The following PYY variants were observed in gnomAD, a reference collection of about 807,000 sequenced individuals.
PYY encodes peptide YY.
A neutral mutation model predicts 10.3 loss-of-function variants in PYY; 12 were observed. That is an observed-to-expected ratio of 1.17 (90% CI 0.75 to 1.89). The LOEUF (loss-of-function observed/expected upper bound fraction) is 1.89. Ranked by LOEUF, PYY falls within the 40% of genes most tolerant of loss-of-function variation. The pLI is 0.00. For missense variants in PYY, 141 were observed against 134.0 expected (o/e 1.05, Z -0.26); for synonymous variants, 66 against 62.0 (o/e 1.06, Z -0.30).
chr17:43,958,949 A>G (rs1402334707), intron 2 of PYY, among the ~76,000 whole-genome samples: 1 of 152,258 alleles, frequency 6.6e-6, no homozygotes, highest in African/African-American at 2.4e-5. Context: ...ATACACAAAG[A>G]GATTTGCTGA....
At chr17:43,962,483 C>T (rs146650656) in intron 2 of PYY, among the ~76,000 whole-genome samples, 1,526 of 152,300 alleles carry the variant, frequency 0.01, 15 homozygotes, top group Middle Eastern at 0.021. Flanking sequence ...GATCTACACT[C>T]TATAGTACAG....
chr17:43,958,812 A>T (rs1463964992), upstream of PYY, among the ~76,000 whole-genome samples: 1 of 152,232 alleles, frequency 6.6e-6, no homozygotes. Context: ...ATGTGTCCCT[A>T]GCCTGTTTAT....
At chr17:43,997,714 A>C (rs1254047807) in intron 1 of PYY, among the ~76,000 whole-genome samples, 1 of 152,118 alleles carries the variant, frequency 6.6e-6, no homozygotes, top group Non-Finnish European at 1.5e-5. Context: ...TGGAAGCAAG[A>C]AGGCTACATA....
intron 1 of PYY, among the ~76,000 whole-genome samples, chr17:44,001,551 G>A (rs2049026988): frequency 1.3e-5 from 2 of 152,176 alleles, no homozygotes; most frequent in Admixed American, 1.3e-4. Flanking sequence ...AGGAGAGGTG[G>A]AGGGGACACA....
At chr17:43,994,723 CT>C (rs748565850) in intron 1 of PYY, among the ~76,000 whole-genome samples, 1 of 152,204 alleles carries the variant, frequency 6.6e-6, no homozygotes, top group East Asian at 1.9e-4. Context: ...CTCTCAACGC[CT>C]TTGCCCCTGA....
chr17:43,971,083 G>C (rs1659938386), intron 1 of PYY, among the ~76,000 whole-genome samples: 1 of 151,996 alleles, frequency 6.6e-6, no homozygotes, highest in Non-Finnish European at 1.5e-5. Context: ...GAGTTTTCTG[G>C]GTCATATGTA....
intron 1 of PYY, among the ~76,000 whole-genome samples, chr17:43,981,421 G>T (rs2048882730): frequency 6.6e-6 from 1 of 152,048 alleles, no homozygotes; most frequent in African/African-American, 2.4e-5. Flanking sequence ...GTGGATGGGT[G>T]GTGGTATCTC....
intron 1 of PYY, among the ~76,000 whole-genome samples, chr17:43,977,223 C>G (rs2048855143): frequency 6.6e-6 from 1 of 152,140 alleles, no homozygotes; most frequent in Non-Finnish European, 1.5e-5. Flanking sequence ...ATTCATTTAC[C>G]CAGGCACTTG....
chr17:43,972,529 T>C (rs1434168614), intron 1 of PYY, among the ~76,000 whole-genome samples: 1 of 97,510 alleles, frequency 1.0e-5, no homozygotes, highest in Non-Finnish European at 1.9e-5. Flanking sequence ...TTTATGTTAC[T>C]TTAAAAAACA....
At chr17:43,980,724 T>C (rs1379865841) in intron 1 of PYY, among the ~76,000 whole-genome samples, 1 of 150,474 alleles carries the variant, frequency 6.6e-6, no homozygotes, top group East Asian at 2.0e-4. Flanking sequence ...CACCCTCCTC[T>C]GCCTCCCAAA....
intron 1 of PYY, among the ~76,000 whole-genome samples, chr17:43,993,966 A>T (rs368234353): frequency 1.3e-5 from 2 of 151,702 alleles, no homozygotes; most frequent in South Asian, 4.2e-4. Flanking sequence ...TGATCCTCCC[A>T]CCTCAGCCTG....
chr17:43,960,143 G>A (rs1010042845), intron 2 of PYY, among the ~76,000 whole-genome samples: 1 of 152,170 alleles, frequency 6.6e-6, no homozygotes, highest in Non-Finnish European at 1.5e-5. Flanking sequence ...TTTCTCTCTT[G>A]TATAAGAAAC....
intron 3 of PYY, 30 bp from the exon 4 acceptor site, chr17:43,953,010 C>G: frequency 1.3e-6 from 2 of 1,582,816 alleles, no homozygotes; most frequent in African/African-American, 1.3e-5. Flanking sequence ...GGAATTGGAT[C>G]TGGGGAGGCG....
At chr17:44,003,089 G>A (rs55760363) in intron 1 of PYY, among the ~76,000 whole-genome samples, 23,424 of 152,026 alleles carry the variant, frequency 0.15, 2,111 homozygotes, top group Non-Finnish European at 0.2. Flanking sequence ...CCAGACGGGA[G>A]TGCAGTGGCA....
chr17:43,988,456 A>G (rs1269339457), intron 1 of PYY, among the ~76,000 whole-genome samples: 1 of 152,160 alleles, frequency 6.6e-6, no homozygotes, highest in Non-Finnish European at 1.5e-5. Context: ...GCTAACTTTA[A>G]TTTATCCTCA....
chr17:43,986,852 T>C (rs2048919039), intron 1 of PYY, among the ~76,000 whole-genome samples: 1 of 152,192 alleles, frequency 6.6e-6, no homozygotes, highest in Non-Finnish European at 1.5e-5. Flanking sequence ...CAACTCTAAC[T>C]ATCATCCCAG....
intron 1 of PYY, among the ~76,000 whole-genome samples, chr17:43,967,409 C>T (rs552691763): frequency 1.1e-4 from 16 of 152,316 alleles, no homozygotes; most frequent in African/African-American, 2.6e-4. Flanking sequence ...CCACAGCAGG[C>T]GAGCCCCATA....
At chr17:43,983,876 G>T (rs528965305) in intron 1 of PYY, among the ~76,000 whole-genome samples, 1 of 152,350 alleles carries the variant, frequency 6.6e-6, no homozygotes, top group South Asian at 2.1e-4. Flanking sequence ...CAGGGGCCGC[G>T]TGTCCGGTGC....
chr17:43,956,352 C>T (rs1033382657), upstream of PYY, among the ~76,000 whole-genome samples: 1 of 152,038 alleles, frequency 6.6e-6, no homozygotes, highest in Non-Finnish European at 1.5e-5. Context: ...GCCTCCTCAT[C>T]GAAGAGCTTA....
Sources: allele counts gnomAD v4.1 joint callset (sites outside exome capture counted in the v4.1 genomes callset), GRCh38; gene constraint gnomAD v4.1.1; transcripts MANE v1.5; gene names NCBI Gene and HGNC (gene_info 2026-07-23, HGNC 2026-07-21).